UGT1A10: variants seen among roughly 807,000 people sequenced by gnomAD.
The protein encoded by UGT1A10 is UDP-glucuronosyltransferase 1A10.
In UGT1A10, 49 loss-of-function variants were observed where a neutral mutation model predicts 45.8. The observed-to-expected ratio is 1.07, with a 90% CI of 0.85 to 1.36. The LOEUF (loss-of-function observed/expected upper bound fraction) is 1.36. Among genes scored for constraint, UGT1A10 ranks in the 40% most tolerant of loss-of-function variants. UGT1A10 has a pLI of 0.00. For synonymous variants in UGT1A10, 284 were observed against 249.7 expected, an observed-to-expected ratio of 1.14 and a Z score of -1.29; for missense variants, 745 against 668.6, an observed-to-expected ratio of 1.11 and a Z score of -1.26.
At chr2:233,743,076 G>T (rs1054800) in intron 1 of UGT1A10, 5 of 344,584 alleles carry the variant, frequency 1.5e-5, no homozygotes, top group Non-Finnish European at 2.8e-5. Context: ...GTGTTGGCAT[G>T]AAGTGTTTAT....
At chr2:233,747,148 TGAA>T in intron 1 of UGT1A10, 1 of 1,570,870 alleles carries the variant, frequency 6.4e-7, no homozygotes, top group South Asian at 1.2e-5. Context: ...GTAATTAAGA[TGAA>T]GAAAACAAAT....
intron 1 of UGT1A10, among the ~76,000 whole-genome samples, chr2:233,720,509 A>C (rs1440036500): frequency 1.3e-5 from 2 of 152,082 alleles, no homozygotes; most frequent in Admixed American, 6.6e-5. Flanking sequence ...TCTCAGGTGA[A>C]GCTGATCATA....
intron 1 of UGT1A10, chr2:233,743,968 T>G: frequency 7.5e-7 from 1 of 1,327,238 alleles, no homozygotes; most frequent in Non-Finnish European, 1.0e-6. Flanking sequence ...GCGGCAAGGC[T>G]GCCAGCACCC....
At chr2:233,665,071 AG>A in intron 1 of UGT1A10, among the ~76,000 whole-genome samples, 1 of 152,230 alleles carries the variant, frequency 6.6e-6, no homozygotes, top group Non-Finnish European at 1.5e-5. Flanking sequence ...ATGCATATGC[AG>A]ATATCTAATG....
chr2:233,766,640 TATC>T (rs1314167466), intron 1 of UGT1A10, among the ~76,000 whole-genome samples: 1 of 152,156 alleles, frequency 6.6e-6, no homozygotes, highest in African/African-American at 2.4e-5. Context: ...CCTACTTCCA[TATC>T]ATTTAAAGGG....
chr2:233,746,329 G>C (rs1693363946), intron 1 of UGT1A10, among the ~76,000 whole-genome samples: 1 of 151,754 alleles, frequency 6.6e-6, no homozygotes, highest in Admixed American at 6.5e-5. Context: ...GATCTACAGG[G>C]CAATGGACAT....
chr2:233,693,094 G>T, intron 1 of UGT1A10: 2 of 1,614,170 alleles, frequency 1.2e-6, no homozygotes, highest in Non-Finnish European at 1.7e-6. Flanking sequence ...ACAAGCTGCT[G>T]GTGGTCCCTC....
At chr2:233,701,688 A>T (rs1575472004) in intron 1 of UGT1A10, among the ~76,000 whole-genome samples, 1 of 152,212 alleles carries the variant, frequency 6.6e-6, no homozygotes, top group African/African-American at 2.4e-5. Context: ...GAATTAAGAA[A>T]ATCACTCAAA....
At chr2:233,743,343 C>T in intron 1 of UGT1A10, 5 of 866,282 alleles carry the variant, frequency 5.8e-6, no homozygotes, top group South Asian at 1.4e-5. Context: ...CAGTGGAAGT[C>T]GACATGGACT....
At chr2:233,693,874 G>A in intron 1 of UGT1A10, 1 of 1,614,164 alleles carries the variant, frequency 6.2e-7, no homozygotes, top group Non-Finnish European at 8.5e-7. Flanking sequence ...AGGTTGGTGG[G>A]TTTATTTCTT....
At chr2:233,761,066 T>G in intron 1 of UGT1A10, 1 of 1,614,188 alleles carries the variant, frequency 6.2e-7, no homozygotes, top group Non-Finnish European at 8.5e-7. Context: ...AGAAGTGACT[T>G]TGTGAAGGAT....
intron 1 of UGT1A10, among the ~76,000 whole-genome samples, chr2:233,702,170 C>T (rs970119817): frequency 7.2e-5 from 11 of 152,194 alleles, no homozygotes; most frequent in African/African-American, 1.4e-4. Flanking sequence ...AGTCACTCTT[C>T]TTTCTCTCCT....
In UGT1A10 at chr2:233,671,557, G is replaced by T. The variant is rs568180779; in HGVS notation, c.855+34180G>T. The stretch of plus-strand genomic sequence containing the variant: ...TGCCTAAAGGTAAAATCTAAATTTT[G>T]CTCTGGGACAAATTCCAAAAAAAAT... On this transcript the variant is annotated intron_variant, in intron 1 of 4. Transcript: ENST00000344644. Among the ~76,000 whole-genome samples the T allele has an allele frequency of 2.0e-5, 3 of 152,230 alleles. No individual in the cohort carries two copies. The East Asian group carries it at 5.8e-4, about 29-fold the overall frequency.
intron 1 of UGT1A10, chr2:233,718,632 C>A: frequency 6.9e-7 from 1 of 1,448,466 alleles, no homozygotes; most frequent in Non-Finnish European, 9.3e-7. Flanking sequence ...TGGTCTTTCC[C>A]AGGGTTGGGC....
At chr2:233,766,476 A>G (rs893882112) in intron 1 of UGT1A10, among the ~76,000 whole-genome samples, 2 of 152,172 alleles carry the variant, frequency 1.3e-5, no homozygotes, top group African/African-American at 2.4e-5. Flanking sequence ...TTATAGGCAC[A>G]TGATGGGGGC....
At chr2:233,728,461 T>G (rs1047446637) in intron 1 of UGT1A10, among the ~76,000 whole-genome samples, 5 of 152,176 alleles carry the variant, frequency 3.3e-5, no homozygotes, top group African/African-American at 2.4e-5. Context: ...CAACAAAGTC[T>G]TCCCAAGAAT....
At position 233,767,932 on chromosome 2, in the gene UGT1A10, G is replaced by C. The variant is rs754018098; in HGVS notation, c.1071G>C (p.Leu357=). The change falls in exon 3 of 5, where the codon CTG becomes CTC. Residue 357 remains leucine (L), a synonymous_variant. Coordinates refer to ENST00000344644, the MANE Select transcript of UGT1A10 (RefSeq NM_019075.4). ...TTAAGTGGCTACCCCAAAACGATCT[G>C]CTTGGTATGTTGGGCGGATTGGATG... ...ILVKWLPQND[L]LGHPMTRAFI... 3 of 1,614,064 alleles carry C rather than the reference G, an allele frequency of 1.9e-6. No individual in the cohort carries two copies. Among genetic ancestry groups the C allele is most frequent in the African/African-American group, 2.7e-5 (2 of 74,926 alleles).
At chr2:233,690,606 C>T (rs1439647721) in intron 1 of UGT1A10, 1 of 1,289,342 alleles carries the variant, frequency 7.8e-7, no homozygotes, top group Non-Finnish European at 1.0e-6. Flanking sequence ...AAAAATCGGC[C>T]TTTGCCTGGA....
intron 1 of UGT1A10, among the ~76,000 whole-genome samples, chr2:233,643,716 G>T (rs926333796): frequency 6.6e-6 from 1 of 152,158 alleles, no homozygotes; most frequent in Admixed American, 6.5e-5. Context: ...GTAGTACGAG[G>T]TTTCACTGCT....
Sources: allele counts gnomAD v4.1 joint callset (sites outside exome capture counted in the v4.1 genomes callset), GRCh38; gene constraint gnomAD v4.1.1; transcripts MANE v1.5; gene names NCBI Gene and HGNC (gene_info 2026-07-23, HGNC 2026-07-21).